Variants in CACNA1D observed in about 807,000 individuals in gnomAD.
CACNA1D encodes the protein calcium voltage-gated channel subunit alpha1 D.
In CACNA1D, 55 loss-of-function variants were observed where a neutral mutation model predicts 257.1. That is an observed-to-expected ratio of 0.21 (90% confidence interval 0.17 to 0.27). CACNA1D has a LOEUF of 0.27. Ranked by LOEUF, CACNA1D falls within the 10% of genes least tolerant of loss-of-function variation. CACNA1D has a pLI of 1.00. For synonymous variants in CACNA1D, 980 were observed against 1,014.9 expected, an observed-to-expected ratio of 0.97 and a Z score of 0.65; for missense variants, 1,876 against 2,784.0, an observed-to-expected ratio of 0.67 and a Z score of 7.34.
At chr3:53,788,650 A>G (rs904169147) in intron 40 of CACNA1D, among the ~76,000 whole-genome samples, 3 of 152,208 alleles carry the variant, frequency 2.0e-5, no homozygotes, top group Non-Finnish European at 2.9e-5. Flanking sequence ...TCCCCTGCCC[A>G]GAAGATGAGG....
At chr3:53,596,044 G>A (rs983585904) in intron 3 of CACNA1D, among the ~76,000 whole-genome samples, 2 of 152,150 alleles carry the variant, frequency 1.3e-5, no homozygotes, top group Admixed American at 1.3e-4. Context: ...GCCACTTACT[G>A]CTTTAAATAC....
At chr3:53,784,383 C>T (rs1283583336) in intron 39 of CACNA1D, among the ~76,000 whole-genome samples, 2 of 152,178 alleles carry the variant, frequency 1.3e-5, no homozygotes, top group East Asian at 1.9e-4. Context: ...CAGATGGCCT[C>T]CTTGTATTCA....
At chr3:53,642,595 G>A (rs1244802336) in intron 3 of CACNA1D, among the ~76,000 whole-genome samples, 1 of 152,252 alleles carries the variant, frequency 6.6e-6, no homozygotes, top group African/African-American at 2.4e-5. Flanking sequence ...TGCTCTGCCG[G>A]TGAGGAGGAG....
rs753366323 is a variant in CACNA1D, at chr3:53,723,934, G to T, written c.2035G>T (p.Asp679Tyr). ...MQLFGGKFNF[D>Y]ETQTKRSTFD... ...GCTGTTTGGCGGCAAGTTTAATTTT[G>T]ATGAAACGCAAACCAAGCGGAGCAC... is the stretch of plus-strand genomic sequence containing the variant. The change falls in exon 14 of 48, where the codon GAT (aspartate) becomes TAT (tyrosine). Residue 679 changes from aspartate to tyrosine, a missense_variant. Physicochemically the swap from Asp to Tyr is radical, Grantham distance 160. This residue lies in a region of CACNA1D where 257 missense variants were observed against 399.7 expected (regional missense o/e 0.64). Transcript: ENST00000350061. This position sits in a 1 kb window ranked among gnomAD's most constrained non-coding sequence, Gnocchi z 5.6. The T allele has an allele frequency of 1.2e-6, 2 of 1,614,080 alleles. No homozygotes were observed. Among genetic ancestry groups the T allele is most frequent in the East Asian group, 2.2e-5 (1 of 44,880 alleles).
chr3:53,805,583 C>T (rs1051106686), intron 45 of CACNA1D, among the ~76,000 whole-genome samples: 4 of 152,104 alleles, frequency 2.6e-5, no homozygotes, highest in Non-Finnish European at 4.4e-5. Context: ...CTGGCTGTGC[C>T]GCAGGCCTGT....
chr3:53,566,732 C>T (rs576106029), intron 3 of CACNA1D, among the ~76,000 whole-genome samples: 2 of 152,326 alleles, frequency 1.3e-5, no homozygotes, highest in South Asian at 2.1e-4. Context: ...GGCCCGTGCC[C>T]CACCAGCCCT....
At chr3:53,676,645 G>A (rs998566367) in intron 8 of CACNA1D, among the ~76,000 whole-genome samples, 4 of 152,242 alleles carry the variant, frequency 2.6e-5, no homozygotes, top group Admixed American at 2.6e-4. Flanking sequence ...GGAAATACCT[G>A]TATCTGTTTT....
chr3:53,689,813 C>T (rs1201723463), intron 8 of CACNA1D, among the ~76,000 whole-genome samples: 2 of 152,080 alleles, frequency 1.3e-5, no homozygotes, highest in African/African-American at 4.8e-5. Flanking sequence ...CATATGCCAC[C>T]ATGCCCAGCT....
intron 29 of CACNA1D, 59 bp downstream of exon 29, chr3:53,753,741 G>A (rs559486771): frequency 1.2e-4 from 115 of 976,758 alleles, no homozygotes; most frequent in African/African-American, 2.2e-4. Context: ...AGAAGTACCC[G>A]CTTCCTGTTA....
Position 53,650,765 on chromosome 3 carries a change from GT to G in CACNA1D, c.484-9del, listed in dbSNP as rs1559468462. ...CCCTGCTTTTTTGGTATGTTTCTTT[GT>G]TTTTCTTCACAGGAAAAAGTAGAAT... On this transcript the variant is annotated splice_polypyrimidine_tract_variant and intron_variant, in intron 3 of 47. Coordinates refer to ENST00000350061, the MANE Select transcript of CACNA1D (RefSeq NM_001128840.3). The G allele has an allele frequency of 6.2e-7, 1 of 1,613,346 alleles. No homozygotes were observed. The highest frequency in any genetic ancestry group is 1.7e-5 in the Admixed American group (1 of 60,002).
At chr3:53,698,066 G>A (rs71301850) in intron 8 of CACNA1D, among the ~76,000 whole-genome samples, 16,078 of 152,116 alleles carry the variant, frequency 0.11, 925 homozygotes, top group East Asian at 0.18. Flanking sequence ...ATGCATTTCC[G>A]TACACATATT....
At chr3:53,718,525 C>A in intron 10 of CACNA1D, 137 bp downstream of exon 10, 1 of 1,027,078 alleles carries the variant, frequency 9.7e-7, no homozygotes, top group African/African-American at 1.6e-5. Flanking sequence ...CCTCGTACCC[C>A]ACGCCACGCT....
intron 9 of CACNA1D, among the ~76,000 whole-genome samples, chr3:53,713,494 CTGTGTGTATGTG>C (rs1434481171): frequency 5.4e-5 from 6 of 110,658 alleles, no homozygotes; most frequent in African/African-American, 2.7e-4. Context: ...CTCATTTGCT[CTGTGTGTATGTG>C]TGTGTGTGTG....
At chr3:53,786,787 G>T in intron 39 of CACNA1D, 35 bp from the exon 40 acceptor site, 1 of 1,572,444 alleles carries the variant, frequency 6.4e-7, no homozygotes, top group South Asian at 1.1e-5. Context: ...CTAATGTGCT[G>T]ATTCGGGAGA....
At chr3:53,595,269 G>A (rs1334674700) in intron 3 of CACNA1D, among the ~76,000 whole-genome samples, 1 of 152,192 alleles carries the variant, frequency 6.6e-6, no homozygotes, top group Non-Finnish European at 1.5e-5. Flanking sequence ...GTTTCCCACT[G>A]GAGAATGCAA....
At chr3:53,647,945 C>A (rs967323197) in intron 3 of CACNA1D, among the ~76,000 whole-genome samples, 3 of 152,040 alleles carry the variant, frequency 2.0e-5, no homozygotes, top group Non-Finnish European at 4.4e-5. Flanking sequence ...AAAGAGAAAC[C>A]AAATTCTTTA....
intron 8 of CACNA1D, chr3:53,679,368 T>TC (rs2108452388): frequency 6.7e-6 from 1 of 149,504 alleles, no homozygotes; most frequent in Admixed American, 6.7e-5. Context: ...CAATTGAATT[T>TC]CCTCCAATAT....
intron 4 of CACNA1D, among the ~76,000 whole-genome samples, chr3:53,659,726 C>A (rs2094184568): frequency 1.3e-5 from 2 of 152,208 alleles, no homozygotes; most frequent in African/African-American, 4.8e-5. Flanking sequence ...ATAATTGCTG[C>A]TGCATAACAT....
At chr3:53,763,022 G>A (rs940201949) in intron 30 of CACNA1D, among the ~76,000 whole-genome samples, 2 of 152,258 alleles carry the variant, frequency 1.3e-5, no homozygotes, top group Admixed American at 1.3e-4. Flanking sequence ...GTGCACCCTC[G>A]TCCCCGCAAT....
Sources: allele counts gnomAD v4.1 joint callset (sites outside exome capture counted in the v4.1 genomes callset), GRCh38; gene constraint gnomAD v4.1.1; regional missense constraint gnomAD v4.1.1; non-coding constraint Gnocchi (gnomAD v3.1); transcripts MANE v1.5; gene names NCBI Gene and HGNC (gene_info 2026-07-23, HGNC 2026-07-21).